Variants in KAZN observed in about 807,000 individuals in gnomAD.
KAZN encodes the protein kazrin, periplakin interacting protein.
A neutral mutation model predicts 87.4 loss-of-function variants in KAZN; 40 were observed. The observed-to-expected ratio is 0.46, with a 90% CI of 0.36 to 0.60. The LOEUF is 0.60. Among genes scored for constraint, KAZN ranks in the 20% least tolerant of loss-of-function variants. The pLI is 0.00. For missense variants in KAZN, 898 were observed against 1,073.9 expected, an observed-to-expected ratio of 0.84 and a Z score of 2.29; for synonymous variants, 466 against 458.3, an observed-to-expected ratio of 1.02 and a Z score of -0.22.
intron 2 of KAZN, among the ~76,000 whole-genome samples, chr1:14,283,078 A>G (rs1427815222): frequency 6.6e-6 from 1 of 152,234 alleles, no homozygotes; most frequent in East Asian, 1.9e-4. Flanking sequence ...CACAATTAGC[A>G]GTATTACCAG....
At chr1:14,756,925 C>T (rs539679534) in intron 1 of KAZN, among the ~76,000 whole-genome samples, 1 of 152,312 alleles carries the variant, frequency 6.6e-6, no homozygotes, top group African/African-American at 2.4e-5. Flanking sequence ...CGGAGAGGCT[C>T]GTCATTTTGT....
chr1:14,825,328 C>T (rs2100845845), intron 1 of KAZN, among the ~76,000 whole-genome samples: 1 of 152,326 alleles, frequency 6.6e-6, no homozygotes, highest in Non-Finnish European at 1.5e-5. Context: ...CTCATCTGTC[C>T]TAGAAAATGC....
intron 1 of KAZN, among the ~76,000 whole-genome samples, chr1:14,705,686 T>G (rs1199920170): frequency 6.6e-6 from 1 of 151,998 alleles, no homozygotes; most frequent in Non-Finnish European, 1.5e-5. Flanking sequence ...GAACTGAGAG[T>G]TAAACACCAC....
chr1:14,066,332 C>T (rs1643006498), intron 1 of KAZN, among the ~76,000 whole-genome samples: 1 of 152,122 alleles, frequency 6.6e-6, no homozygotes, highest in Non-Finnish European at 1.5e-5. Context: ...TGGGTGAATA[C>T]TAAGTGGTGG....
At chr1:14,279,825 G>A (rs765990316) in intron 2 of KAZN, among the ~76,000 whole-genome samples, 12 of 152,160 alleles carry the variant, frequency 7.9e-5, no homozygotes, top group Admixed American at 1.3e-4. Context: ...CAGCAGTGAC[G>A]AGAACATAAG....
chr1:14,308,358 G>A (rs887208280), intron 2 of KAZN, among the ~76,000 whole-genome samples: 1 of 152,114 alleles, frequency 6.6e-6, no homozygotes, highest in African/African-American at 2.4e-5. Flanking sequence ...GCAATATTTA[G>A]GGTTATGTGG....
At chr1:14,902,319 G>A (rs886530033) in intron 1 of KAZN, among the ~76,000 whole-genome samples, 19 of 151,678 alleles carry the variant, frequency 1.3e-4, no homozygotes, top group African/African-American at 3.1e-4. Context: ...TCCGCCTCCC[G>A]GGTTCACGCC....
Position 14,866,111 on chromosome 1 carries a change from G to A in KAZN, c.227-94573G>A, listed in dbSNP as rs144649489. Among the ~76,000 whole-genome samples, 227 of 152,132 alleles carry A rather than the reference G, an allele frequency of 1.5e-3. 1 individual carries two copies. The highest frequency in any genetic ancestry group is 0.01 in the Middle Eastern group (3 of 294). On this transcript the variant is annotated intron_variant, in intron 1 of 14. Coordinates refer to ENST00000376030, the MANE Select transcript of KAZN (RefSeq NM_201628.3). ...TTTTTTTCAGCTTCTCAAACTTGCC[G>A]AGCTCTCTCCCAATTCCATGCCCTT...
chr1:14,600,486 T>A (rs1676870663), intron 1 of KAZN, among the ~76,000 whole-genome samples: 1 of 152,120 alleles, frequency 6.6e-6, no homozygotes, highest in Non-Finnish European at 1.5e-5. Context: ...AACTTGGTAC[T>A]CCCGGAGCCT....
chr1:14,180,416 CTTCT>C, intron 1 of KAZN: 4 of 1,542,772 alleles, frequency 2.6e-6, no homozygotes, highest in Non-Finnish European at 3.5e-6. Context: ...TCTACTTTTC[CTTCT>C]TTTTCTTTCC....
chr1:14,876,902 G>A (rs1224600268), intron 1 of KAZN, among the ~76,000 whole-genome samples: 2 of 152,192 alleles, frequency 1.3e-5, no homozygotes, highest in East Asian at 3.8e-4. Context: ...AAGTAAGAAA[G>A]CCTTTGGGCA....
At chr1:14,901,603 G>A (rs1463895071) in intron 1 of KAZN, among the ~76,000 whole-genome samples, 1 of 152,176 alleles carries the variant, frequency 6.6e-6, no homozygotes, top group African/African-American at 2.4e-5. Context: ...TGGCAGCTCA[G>A]ACGAGGGTGG....
chr1:14,294,076 A>T (rs1297201398), intron 2 of KAZN, among the ~76,000 whole-genome samples: 1 of 152,210 alleles, frequency 6.6e-6, no homozygotes, highest in African/African-American at 2.4e-5. Context: ...CCCCATTTAC[A>T]GATGAGATAA....
intron 1 of KAZN, among the ~76,000 whole-genome samples, chr1:13,951,736 C>A (rs1641352860): frequency 6.6e-6 from 1 of 151,940 alleles, no homozygotes; most frequent in Non-Finnish European, 1.5e-5. Flanking sequence ...GGGTTGCTGT[C>A]CATGATGATC....
rs553132609 is a variant in KAZN, at chr1:14,521,231, C to T, written c.250-77752C>T. 9.2e-5 allele frequency among the ~76,000 whole-genome samples: 14 copies of T among 152,280 alleles called. No homozygotes were observed. In the East Asian group the frequency reaches 2.5e-3, roughly 27 times the overall value. ...CCCCCAAAACGCCAGTCAGCAGGGA[C>T]TCTGACATTTAAAGAGGCACCATAA... On this transcript the variant is annotated intron_variant, in intron 2 of 16. Transcript: ENST00000636203.
intron 13 of KAZN, chr1:15,112,208 G>A: frequency 1.7e-6 from 1 of 572,726 alleles, no homozygotes; most frequent in Admixed American, 3.0e-5. Context: ...TCCCTGTAAT[G>A]CTGGGCTGGC....
intron 2 of KAZN, among the ~76,000 whole-genome samples, chr1:14,273,556 A>G (rs1377209638): frequency 6.6e-6 from 1 of 152,212 alleles, no homozygotes; most frequent in African/African-American, 2.4e-5. Flanking sequence ...AAAAAAATAT[A>G]CAGTTTATAT....
chr1:14,134,085 G>A (rs1048131359), intron 1 of KAZN, among the ~76,000 whole-genome samples: 1 of 152,156 alleles, frequency 6.6e-6, no homozygotes, highest in African/African-American at 2.4e-5. Context: ...AGAAGTTCTA[G>A]GATTTAGCTG....
chr1:13,969,938 A>G (rs1642078549), intron 1 of KAZN, among the ~76,000 whole-genome samples: 1 of 152,220 alleles, frequency 6.6e-6, no homozygotes, highest in Non-Finnish European at 1.5e-5. Flanking sequence ...CCCATTTTAT[A>G]GAAGAAGAAG....
Sources: allele counts gnomAD v4.1 joint callset (sites outside exome capture counted in the v4.1 genomes callset), GRCh38; gene constraint gnomAD v4.1.1; transcripts MANE v1.5; gene names NCBI Gene and HGNC (gene_info 2026-07-23, HGNC 2026-07-21).